Variants in CACNA2D3 observed in about 807,000 individuals in gnomAD.
CACNA2D3 encodes voltage-dependent calcium channel subunit alpha-2/delta-3.
In CACNA2D3, 60 loss-of-function variants were observed where a neutral mutation model predicts 160.6. That is an observed-to-expected ratio of 0.37 (90% confidence interval 0.30 to 0.46). The LOEUF is 0.46. CACNA2D3 is among the 20% of genes least tolerant of loss of function. The probability of loss-of-function intolerance (pLI) is 1.00; values close to 1 mark genes in which losing one functional copy is unlikely to be tolerated. For synonymous variants in CACNA2D3, 558 were observed against 492.9 expected, an observed-to-expected ratio of 1.13 and a Z score of -1.75; for missense variants, 1,205 against 1,365.0, an observed-to-expected ratio of 0.88 and a Z score of 1.85.
chr3:54,303,401 G>C (rs901314258), intron 2 of CACNA2D3, among the ~76,000 whole-genome samples: 2 of 152,126 alleles, frequency 1.3e-5, no homozygotes, highest in Non-Finnish European at 2.9e-5. Context: ...TGTTTTGTTG[G>C]TTTGTTTACT....
At chr3:54,279,279 T>A (rs964425701) in intron 2 of CACNA2D3, among the ~76,000 whole-genome samples, 4 of 152,310 alleles carry the variant, frequency 2.6e-5, no homozygotes, top group South Asian at 2.1e-4. Context: ...TACGAGTGAT[T>A]TCAGTGACAC....
intron 11 of CACNA2D3, among the ~76,000 whole-genome samples, chr3:54,738,878 A>G (rs1268950876): frequency 6.6e-6 from 1 of 152,212 alleles, no homozygotes; most frequent in Non-Finnish European, 1.5e-5. Context: ...GGGGCTGGGC[A>G]TGGTGGCTTA....
Position 55,074,331 on chromosome 3 carries a change from A to G in CACNA2D3, c.*125A>G, listed in dbSNP as rs358077. 0.12 allele frequency: 89,149 copies of G among 765,208 alleles called. 6,412 individuals are homozygous for G. The highest frequency in any genetic ancestry group is 0.14 in the Non-Finnish European group (62,580 of 432,698). 47.4% of individuals were successfully genotyped at this position (765,208 alleles called of 1,614,324 possible). ...AATATAGTCCAACCATCAGCATCTC[A>G]TCATGATTTTAAACTGTGCGTGATA... On this transcript the variant is annotated 3_prime_UTR_variant, in exon 38 of 38. Coordinates refer to ENST00000474759, the MANE Select transcript of CACNA2D3 (RefSeq NM_018398.3).
chr3:54,194,145 G>A (rs1461970909), intron 2 of CACNA2D3, among the ~76,000 whole-genome samples: 1 of 152,092 alleles, frequency 6.6e-6, no homozygotes, highest in Non-Finnish European at 1.5e-5. Context: ...AAAGGAATAT[G>A]TTCTAATGTT....
At chr3:54,484,197 C>G (rs1384440157) in intron 4 of CACNA2D3, among the ~76,000 whole-genome samples, 1 of 152,200 alleles carries the variant, frequency 6.6e-6, no homozygotes, top group East Asian at 1.9e-4. Flanking sequence ...AAAAAGGACA[C>G]AGGAACTACA....
chr3:54,702,182 C>A (rs1700780182), intron 11 of CACNA2D3, among the ~76,000 whole-genome samples: 1 of 152,080 alleles, frequency 6.6e-6, no homozygotes, highest in South Asian at 2.1e-4. Context: ...AAGAAATAAC[C>A]ATTCTGGACA....
At chr3:54,343,932 C>T (rs7426479) in intron 3 of CACNA2D3, among the ~76,000 whole-genome samples, 8,597 of 152,112 alleles carry the variant, frequency 0.057, 419 homozygotes, top group African/African-American at 0.12. Context: ...TGTCCATAAT[C>T]GTGATATTTA....
chr3:54,783,253 G>C (rs564772584), intron 13 of CACNA2D3, among the ~76,000 whole-genome samples: 1 of 152,114 alleles, frequency 6.6e-6, no homozygotes, highest in Non-Finnish European at 1.5e-5. Context: ...CCACAAGTTT[G>C]AGTTATATCA....
intron 11 of CACNA2D3, among the ~76,000 whole-genome samples, chr3:54,675,418 G>C (rs777808703): frequency 3.8e-4 from 58 of 152,284 alleles, no homozygotes; most frequent in East Asian, 3.9e-4. Context: ...TAAGGATCTA[G>C]GTGTTGAGGG....
chr3:54,489,403 T>C (rs946038635), intron 4 of CACNA2D3, among the ~76,000 whole-genome samples: 4 of 152,234 alleles, frequency 2.6e-5, no homozygotes, highest in African/African-American at 9.6e-5. Context: ...TGCTGCCATT[T>C]GTTGGAACCC....
At chr3:54,762,943 C>T (rs2107091895) in intron 12 of CACNA2D3, among the ~76,000 whole-genome samples, 1 of 152,140 alleles carries the variant, frequency 6.6e-6, no homozygotes, top group Middle Eastern at 3.4e-3. Context: ...TACAAAACAG[C>T]CGGGCGTGGT....
intron 4 of CACNA2D3, among the ~76,000 whole-genome samples, chr3:54,392,188 C>G (rs569940963): frequency 6.6e-6 from 1 of 152,264 alleles, no homozygotes; most frequent in Admixed American, 6.5e-5. Context: ...GCTTTGAATA[C>G]CTAGCCATTG....
At chr3:54,150,316 T>G (rs535698120) in intron 2 of CACNA2D3, among the ~76,000 whole-genome samples, 2 of 152,306 alleles carry the variant, frequency 1.3e-5, no homozygotes, top group Admixed American at 6.5e-5. Context: ...TGGGAAATAC[T>G]TAGGGGATTT....
intron 34 of CACNA2D3, among the ~76,000 whole-genome samples, chr3:55,011,857 G>A (rs756565299): frequency 3.3e-4 from 50 of 152,078 alleles, no homozygotes; most frequent in Admixed American, 2.0e-3. Context: ...ATGCGCACTT[G>A]GTTATCTTTT....
At chr3:54,938,144 C>G (rs2048804) in intron 27 of CACNA2D3, among the ~76,000 whole-genome samples, 25 of 152,112 alleles carry the variant, frequency 1.6e-4, no homozygotes, top group African/African-American at 5.8e-4. Context: ...AGCAGAATGG[C>G]AGAGTTGCAT....
intron 2 of CACNA2D3, among the ~76,000 whole-genome samples, chr3:54,318,693 CTTTT>C (rs376114168): frequency 7.7e-6 from 1 of 129,770 alleles, no homozygotes; most frequent in African/African-American, 3.0e-5. Context: ...AGAGGAGTAT[CTTTT>C]TTTTTTTTTT....
rs572068748 is a variant in CACNA2D3 at position 55,067,991 on chromosome 3, TC to T, written c.2988-5452del. ...CCCTGTAACCTGTGTTATGCACTGTTCCTCTATTCTCCTCTTCTCTCTCCCA... is the reference window on the plus strand; with the variant it reads ...CCCTGTAACCTGTGTTATGCACTGTTCTCTATTCTCCTCTTCTCTCTCCCA... On this transcript the variant is annotated intron_variant, in intron 35 of 37. Transcript: ENST00000474759. 4.6e-4 allele frequency among the ~76,000 whole-genome samples: 70 copies of T among 152,100 alleles called. No homozygotes were observed. The East Asian group carries it at 0.012, about 26-fold the overall frequency.
chr3:54,517,715 C>T lies in CACNA2D3; in HGVS notation c.544+14061C>T, dbSNP rs114808017. Among the ~76,000 whole-genome samples, 599 of 152,296 alleles carry T rather than the reference C, an allele frequency of 3.9e-3. 5 individuals are homozygous for T. The highest frequency in any genetic ancestry group is 0.014 in the African/African-American group (565 of 41,554). On this transcript the variant is annotated intron_variant, in intron 5 of 37. Transcript: ENST00000474759. ...CTCTTCTCTGAGGGGACTCCTGAGCCTCACAGGGCATCCAGGTGTCAGCTC... is the reference window on the plus strand; with the variant it reads ...CTCTTCTCTGAGGGGACTCCTGAGCTTCACAGGGCATCCAGGTGTCAGCTC...
chr3:54,873,156 C>G (rs1251140274), intron 18 of CACNA2D3, among the ~76,000 whole-genome samples: 1 of 152,084 alleles, frequency 6.6e-6, no homozygotes, highest in East Asian at 1.9e-4. Context: ...TAGAGCTGTT[C>G]TGAGGATTAA....
Sources: gnomAD v4.1 joint callset for allele counts (sites outside exome capture counted in the v4.1 genomes callset) on GRCh38, gnomAD v4.1.1 for gene constraint, MANE v1.5 for transcripts, NCBI Gene and HGNC (gene_info 2026-07-23, HGNC 2026-07-21) for gene names.